The following NOS1AP variants were observed in gnomAD, a reference collection of about 807,000 sequenced individuals.
The protein encoded by NOS1AP is carboxyl-terminal PDZ ligand of neuronal nitric oxide synthase protein.
In NOS1AP, 21 loss-of-function variants were observed where a neutral mutation model predicts 56.2. The observed-to-expected ratio is 0.37, with a 90% CI of 0.26 to 0.54. NOS1AP has a LOEUF of 0.54. NOS1AP is among the 20% of genes least tolerant of loss of function. NOS1AP has a pLI of 0.84. For synonymous variants in NOS1AP, 270 were observed against 274.6 expected (o/e 0.98, Z 0.17); for missense variants, 522 against 657.8 (o/e 0.79, Z 2.26).
chr1:162,368,899 C>T lies in NOS1AP; in HGVS notation c.*1432C>T, dbSNP rs1557897645. ...ATGATTATCCCAAAATGGAGTTCAT[C>T]GACCCTAGCTTTCCTTTAGATTATA... On this transcript the variant is annotated 3_prime_UTR_variant, in exon 10 of 10. Transcript: ENST00000361897. 4 of 152,190 alleles carry T rather than the reference C, an allele frequency of 2.6e-5. No individual in the cohort carries two copies. The allele number at this position is 152,190 out of a possible 1,614,324, so 9.4% of individuals were successfully genotyped here.
chr1:162,355,992 G>A (rs1283283196), intron 7 of NOS1AP, among the ~76,000 whole-genome samples: 1 of 152,182 alleles, frequency 6.6e-6, no homozygotes, highest in African/African-American at 2.4e-5. Context: ...AAACCCAGAA[G>A]CAAAATTACT....
chr1:162,128,003 A>G (rs1383532378), intron 1 of NOS1AP, among the ~76,000 whole-genome samples: 1 of 152,166 alleles, frequency 6.6e-6, no homozygotes, highest in African/African-American at 2.4e-5. Context: ...CATAGTTTAC[A>G]TAGTTTGTAT....
chr1:162,201,559 G>A (rs986931200), intron 2 of NOS1AP, among the ~76,000 whole-genome samples: 11 of 152,120 alleles, frequency 7.2e-5, no homozygotes, highest in African/African-American at 2.4e-4. Flanking sequence ...CTAATTTACA[G>A]TCCCATCAAC....
chr1:162,135,331 T>C (rs1483249583), intron 1 of NOS1AP, among the ~76,000 whole-genome samples: 1 of 152,196 alleles, frequency 6.6e-6, no homozygotes, highest in Non-Finnish European at 1.5e-5. Context: ...ACAGTGTGGA[T>C]ACTGAGTATC....
chr1:162,291,564 A>C (rs1017809350), intron 3 of NOS1AP, among the ~76,000 whole-genome samples: 8 of 152,110 alleles, frequency 5.3e-5, no homozygotes, highest in African/African-American at 1.2e-4. Context: ...CCATAGTATT[A>C]ATTGTAGGAT....
chr1:162,106,605 A>T (rs1177322329), intron 1 of NOS1AP, among the ~76,000 whole-genome samples: 1 of 152,226 alleles, frequency 6.6e-6, no homozygotes, highest in Non-Finnish European at 1.5e-5. Flanking sequence ...CAGAAATATG[A>T]AGAATTATTG....
At chr1:162,226,532 G>A (rs1021321228) in intron 2 of NOS1AP, among the ~76,000 whole-genome samples, 2 of 152,124 alleles carry the variant, frequency 1.3e-5, no homozygotes, top group African/African-American at 2.4e-5. Flanking sequence ...TTGTGAACTT[G>A]CAAATTGTGA....
At chr1:162,156,324 G>A (rs1243978581) in intron 2 of NOS1AP, among the ~76,000 whole-genome samples, 2 of 152,122 alleles carry the variant, frequency 1.3e-5, no homozygotes, top group Non-Finnish European at 2.9e-5. Context: ...AGAGGGGTAG[G>A]GTGAGGAGTC....
At chr1:162,220,176 C>T (rs553762998) in intron 2 of NOS1AP, among the ~76,000 whole-genome samples, 2 of 152,360 alleles carry the variant, frequency 1.3e-5, no homozygotes, top group African/African-American at 4.8e-5. Context: ...AAGCAATCCT[C>T]TCCAGTAGTT....
At chr1:162,255,706 G>A (rs1288557701) in intron 2 of NOS1AP, among the ~76,000 whole-genome samples, 1 of 151,962 alleles carries the variant, frequency 6.6e-6, no homozygotes, top group African/African-American at 2.4e-5. Context: ...GACCTCTGTA[G>A]CATTGTGAAC....
Position 162,188,385 on chromosome 1 carries a change from A to G in NOS1AP, c.177+33909A>G, listed in dbSNP as rs1018194611. Among the ~76,000 whole-genome samples, 1 of 152,114 alleles carries G rather than the reference A, an allele frequency of 6.6e-6. No individual in the cohort carries two copies. Among genetic ancestry groups the G allele is most frequent in the Non-Finnish European group, 1.5e-5 (1 of 68,030 alleles). Reference sequence around the variant, plus strand: ...AATTGGGCTCACACACTGTCTCTTTATAGGCCATTTCCATAATGCTTGATT... The same window carrying G: ...AATTGGGCTCACACACTGTCTCTTTGTAGGCCATTTCCATAATGCTTGATT... On this transcript the variant is annotated intron_variant, in intron 2 of 9. Coordinates refer to ENST00000361897, the MANE Select transcript of NOS1AP (RefSeq NM_014697.3). This position sits in a 1 kb window ranked among gnomAD's most constrained non-coding sequence, Gnocchi z 4.0.
At chr1:162,305,531 A>G (rs1655797676) in intron 4 of NOS1AP, among the ~76,000 whole-genome samples, 1 of 152,124 alleles carries the variant, frequency 6.6e-6, no homozygotes, top group Non-Finnish European at 1.5e-5. Flanking sequence ...TTATCTCTGG[A>G]GCCACAAATA....
At chr1:162,111,755 G>A (rs999313464) in intron 1 of NOS1AP, among the ~76,000 whole-genome samples, 4 of 152,188 alleles carry the variant, frequency 2.6e-5, no homozygotes. Flanking sequence ...TGGAATAGAT[G>A]TCTTGGAATG....
chr1:162,173,794 G>C (rs1650922415), intron 2 of NOS1AP, among the ~76,000 whole-genome samples: 1 of 152,204 alleles, frequency 6.6e-6, no homozygotes, highest in Admixed American at 6.5e-5. Context: ...CATTTATGCA[G>C]CCAAAAGACA....
intron 1 of NOS1AP, among the ~76,000 whole-genome samples, chr1:162,115,717 G>A (rs1364411451): frequency 6.6e-6 from 1 of 152,222 alleles, no homozygotes; most frequent in Non-Finnish European, 1.5e-5. Flanking sequence ...GCAAGTTGGA[G>A]TAACTCAGGT....
At chr1:162,193,487 A>G (rs989287652) in intron 2 of NOS1AP, among the ~76,000 whole-genome samples, 19 of 152,208 alleles carry the variant, frequency 1.2e-4, no homozygotes, top group African/African-American at 3.9e-4. Flanking sequence ...AAAGGGAGCT[A>G]GACAAGCAAT....
intron 2 of NOS1AP, among the ~76,000 whole-genome samples, chr1:162,179,140 A>T (rs1371608515): frequency 6.6e-6 from 1 of 152,126 alleles, no homozygotes; most frequent in East Asian, 1.9e-4. Context: ...TGTATCTCGT[A>T]GTTACTGGGT....
intron 1 of NOS1AP, among the ~76,000 whole-genome samples, chr1:162,109,766 A>G (rs1647644572): frequency 6.6e-6 from 1 of 152,022 alleles, no homozygotes; most frequent in Admixed American, 6.6e-5. Context: ...GGGAAACAGA[A>G]TGCACACTGG....
rs1647292584 is a variant in NOS1AP, at chr1:162,369,272, T to G, written c.*1805T>G. On this transcript the variant is annotated 3_prime_UTR_variant, in exon 10 of 10. Transcript: ENST00000361897. Reference sequence around the variant, plus strand: ...CTGTTTGTTTTGTTTTGATCTAATTTGCCATTGGAAATAGGTACAGTTACA... The same window carrying G: ...CTGTTTGTTTTGTTTTGATCTAATTGGCCATTGGAAATAGGTACAGTTACA... 6.6e-6 allele frequency: 1 copy of G among 152,232 alleles called. No homozygotes were observed. The allele number at this position is 152,232 out of a possible 1,614,324, so 9.4% of individuals were successfully genotyped here. A position where few individuals can be genotyped will look rare whatever the true frequency, so the allele number is the denominator to read the frequency against.
Sources: allele counts gnomAD v4.1 joint callset (sites outside exome capture counted in the v4.1 genomes callset), GRCh38; gene constraint gnomAD v4.1.1; non-coding constraint Gnocchi (gnomAD v3.1); transcripts MANE v1.5; gene names NCBI Gene and HGNC (gene_info 2026-07-23, HGNC 2026-07-21).